The following NCAM1 variants were observed in gnomAD, a reference collection of about 807,000 sequenced individuals.
The protein encoded by NCAM1 is neural cell adhesion molecule 1.
Under a neutral mutation model 109.8 loss-of-function variants are expected in NCAM1, and 14 were observed. The observed-to-expected ratio is 0.13, with a 90% CI of 0.08 to 0.20. The LOEUF is 0.20. Among genes scored for constraint, NCAM1 ranks in the 10% least tolerant of loss-of-function variants. The probability of loss-of-function intolerance (pLI) is 1.00; values close to 1 mark genes in which losing one functional copy is unlikely to be tolerated. For synonymous variants in NCAM1, 418 were observed against 442.9 expected (o/e 0.94, Z 0.70); for missense variants, 774 against 1,109.9 (o/e 0.70, Z 4.30).
At chr11:113,210,476 T>C (rs1209368354) in intron 7 of NCAM1, among the ~76,000 whole-genome samples, 1 of 152,106 alleles carries the variant, frequency 6.6e-6, no homozygotes, top group Admixed American at 6.5e-5. Flanking sequence ...CTGAATTATG[T>C]GGGAGTGTCT....
At chr11:113,197,674 A>T (rs369108519) in intron 1 of NCAM1, among the ~76,000 whole-genome samples, 1 of 152,184 alleles carries the variant, frequency 6.6e-6, no homozygotes, top group Non-Finnish European at 1.5e-5. Context: ...TTGACAAGGA[A>T]GTATTTTCAA....
At chr11:112,996,253 CT>C (rs1267363082) in intron 1 of NCAM1, among the ~76,000 whole-genome samples, 6 of 152,270 alleles carry the variant, frequency 3.9e-5, no homozygotes, top group African/African-American at 1.2e-4. Flanking sequence ...AAACTATGTG[CT>C]TAACATAGGC....
intron 1 of NCAM1, among the ~76,000 whole-genome samples, chr11:112,967,378 T>G (rs1272573850): frequency 1.3e-5 from 2 of 152,036 alleles, no homozygotes; most frequent in African/African-American, 4.8e-5. Context: ...TTAAAAGGAG[T>G]GAGATGACAT....
At chr11:113,055,049 C>T (rs1432341522) in intron 1 of NCAM1, among the ~76,000 whole-genome samples, 1 of 152,152 alleles carries the variant, frequency 6.6e-6, no homozygotes, top group Non-Finnish European at 1.5e-5. Context: ...CACAGGAACA[C>T]GTTTAAAGAT....
In NCAM1 at chr11:113,275,250, T is replaced by C. The variant is rs782476921; in HGVS notation, c.2457-17T>C. 7 of 1,613,264 alleles carry C rather than the reference T, an allele frequency of 4.3e-6. No individual in the cohort carries two copies. Among genetic ancestry groups the C allele is most frequent in the Non-Finnish European group, 5.9e-6 (7 of 1,179,684 alleles). ...AGACCGTGGTCTCAGTGGTTCTGTTTTCCTGATTCTCTGCAGGAAGGGCCC... is the reference window on the plus strand; with the variant it reads ...AGACCGTGGTCTCAGTGGTTCTGTTCTCCTGATTCTCTGCAGGAAGGGCCC... On this transcript the variant is annotated splice_polypyrimidine_tract_variant and intron_variant, in intron 19 of 19. Coordinates refer to ENST00000316851, the MANE Select transcript of NCAM1 (RefSeq NM_181351.5).
chr11:113,271,964 C>A, intron 19 of NCAM1, 88 bp downstream of exon 19: 1 of 970,882 alleles, frequency 1.0e-6, no homozygotes, highest in Non-Finnish European at 1.5e-6. Flanking sequence ...GTGCCCCTAC[C>A]CACAGCTCCC....
intron 1 of NCAM1, among the ~76,000 whole-genome samples, chr11:113,033,867 A>G (rs1952789124): frequency 1.3e-5 from 2 of 152,234 alleles, no homozygotes; most frequent in South Asian, 4.1e-4. Flanking sequence ...TTGGTTGGCC[A>G]GTAACATCTT....
At chr11:113,268,393 G>C (rs1241522645) in intron 17 of NCAM1, among the ~76,000 whole-genome samples, 1 of 152,192 alleles carries the variant, frequency 6.6e-6, no homozygotes, top group Non-Finnish European at 1.5e-5. Flanking sequence ...CCTTCCTGGG[G>C]GAATGCGCTA....
intron 16 of NCAM1, among the ~76,000 whole-genome samples, chr11:113,256,248 T>C (rs1945831578): frequency 1.3e-5 from 2 of 152,140 alleles, no homozygotes; most frequent in South Asian, 4.1e-4. Context: ...ACCCATACCA[T>C]GGTTGATTTT....
chr11:113,027,594 A>G (rs539152536), intron 1 of NCAM1, among the ~76,000 whole-genome samples: 7 of 152,232 alleles, frequency 4.6e-5, no homozygotes, highest in Non-Finnish European at 8.8e-5. Context: ...AGTCATTGGC[A>G]TGAAAGTTGA....
chr11:113,026,077 A>G (rs1161017064), intron 1 of NCAM1, among the ~76,000 whole-genome samples: 1 of 152,192 alleles, frequency 6.6e-6, no homozygotes, highest in Non-Finnish European at 1.5e-5. Flanking sequence ...TATGAGTTAC[A>G]AGGATTTTCA....
rs1555126523 is a variant in NCAM1, at chr11:113,275,987, T to C, written c.*600T>C. 6.6e-6 allele frequency: 1 copy of C among 152,662 alleles called. No individual in the cohort carries two copies. Among genetic ancestry groups the C allele is most frequent in the Non-Finnish European group, 1.5e-5 (1 of 68,048 alleles). 9.5% of individuals were successfully genotyped at this position (152,662 alleles called of 1,614,324 possible). On this transcript the variant is annotated 3_prime_UTR_variant, in exon 20 of 20. Transcript: ENST00000316851. The stretch of plus-strand genomic sequence containing the variant: ...TCAATTCCCACGTAGACTCTTATTT[T>C]ATAGGACGAATGCCAAATTGCAGCT...
intron 1 of NCAM1, among the ~76,000 whole-genome samples, chr11:113,026,059 C>T (rs1555077254): frequency 6.6e-6 from 1 of 151,990 alleles, no homozygotes; most frequent in Non-Finnish European, 1.5e-5. Flanking sequence ...AAGTGCAGAG[C>T]CCTGAATTAT....
chr11:113,157,855 G>A (rs1942470943), intron 1 of NCAM1, among the ~76,000 whole-genome samples: 4 of 151,780 alleles, frequency 2.6e-5, no homozygotes, highest in Admixed American at 2.6e-4. Context: ...TTCTGCATTC[G>A]ATCTACTGAA....
chr11:113,010,166 T>C (rs532965370), intron 1 of NCAM1, among the ~76,000 whole-genome samples: 1 of 152,346 alleles, frequency 6.6e-6, no homozygotes, highest in Admixed American at 6.5e-5. Context: ...GATCCTGAAC[T>C]AAATTAGCTT....
intron 1 of NCAM1, among the ~76,000 whole-genome samples, chr11:113,055,006 C>T (rs1326993438): frequency 1.3e-5 from 2 of 152,178 alleles, no homozygotes; most frequent in African/African-American, 2.4e-5. Context: ...AACTTTGTCA[C>T]AGGCTGCTGT....
intron 1 of NCAM1, among the ~76,000 whole-genome samples, chr11:113,106,116 A>G (rs1471533894): frequency 6.6e-6 from 1 of 152,200 alleles, no homozygotes; most frequent in African/African-American, 2.4e-5. Context: ...CTGAAAAAAA[A>G]CAAGTCCTGT....
chr11:113,157,887 G>A (rs1555103747), intron 1 of NCAM1, among the ~76,000 whole-genome samples: 1 of 151,838 alleles, frequency 6.6e-6, no homozygotes, highest in Non-Finnish European at 1.5e-5. Flanking sequence ...AGAAATGTAT[G>A]AAGAAAATCC....
At chr11:113,107,464 G>C (rs1359223536) in intron 1 of NCAM1, among the ~76,000 whole-genome samples, 1 of 152,088 alleles carries the variant, frequency 6.6e-6, no homozygotes, top group African/African-American at 2.4e-5. Flanking sequence ...TTTTCATGCT[G>C]GTGATAAAGA....
Sources: gnomAD v4.1 joint callset for allele counts (sites outside exome capture counted in the v4.1 genomes callset) on GRCh38, gnomAD v4.1.1 for gene constraint, MANE v1.5 for transcripts, NCBI Gene and HGNC (gene_info 2026-07-23, HGNC 2026-07-21) for gene names.